PAFAH1B1: variants seen among roughly 807,000 people sequenced by gnomAD.
PAFAH1B1 encodes platelet activating factor acetylhydrolase 1b regulatory subunit 1, also known as platelet-activating factor acetylhydrolase IB subunit beta.
A neutral mutation model predicts 57.5 loss-of-function variants in PAFAH1B1; 2 were observed. The observed-to-expected ratio is 0.03, with a 90% CI of 0.01 to 0.11. The LOEUF (loss-of-function observed/expected upper bound fraction) is 0.11. Among genes scored for constraint, PAFAH1B1 ranks in the 10% least tolerant of loss-of-function variants. PAFAH1B1 has a pLI of 1.00. For missense variants in PAFAH1B1, 257 were observed against 512.0 expected (o/e 0.50, Z 4.81); for synonymous variants, 152 against 169.6 (o/e 0.90, Z 0.81).
chr17:2,669,199 AT>A (rs989289492), intron 5 of PAFAH1B1, among the ~76,000 whole-genome samples: 2 of 152,044 alleles, frequency 1.3e-5, no homozygotes, highest in African/African-American at 2.4e-5. Flanking sequence ...TGAGGACAGA[AT>A]TTTTTTATAT....
chr17:2,638,609 G>A (rs1447777818), intron 2 of PAFAH1B1: 4 of 330,738 alleles, frequency 1.2e-5, no homozygotes, highest in Non-Finnish European at 2.3e-5. Flanking sequence ...CCAGGTTCAA[G>A]CTATTCTTCT....
chr17:2,602,182 C>T (rs770111142), intron 1 of PAFAH1B1, among the ~76,000 whole-genome samples: 4 of 151,758 alleles, frequency 2.6e-5, no homozygotes, highest in East Asian at 1.9e-4. Context: ...CTTTCTGGCT[C>T]TTCGACTTGG....
At chr17:2,637,244 A>G (rs1441371984) in intron 1 of PAFAH1B1, among the ~76,000 whole-genome samples, 1 of 152,144 alleles carries the variant, frequency 6.6e-6, no homozygotes, top group Non-Finnish European at 1.5e-5. Flanking sequence ...CTTCCAATCA[A>G]ATTTTATATA....
chr17:2,631,392 T>A (rs1264237333), intron 1 of PAFAH1B1, among the ~76,000 whole-genome samples: 4 of 152,188 alleles, frequency 2.6e-5, no homozygotes, highest in Admixed American at 2.6e-4. Flanking sequence ...CCAGGAGGCT[T>A]CCCACCCCAT....
rs544664835 is a variant in PAFAH1B1 at position 2,594,030 on chromosome 17, C to T, written c.-191+24C>T. 6.8e-4 allele frequency: 271 copies of T among 398,452 alleles called. 6 individuals carry two copies. The South Asian group carries it at 0.032, about 47-fold the overall frequency. 24.7% of individuals were successfully genotyped at this position (398,452 alleles called of 1,614,324 possible). The stretch of plus-strand genomic sequence containing the variant: ...CGGTAAGGCGGCGCGGGTCTGCGCC[C>T]TCCCCTCTGTCTCCTCCACCGCGCC... On this transcript the variant is annotated intron_variant, in intron 1 of 10. Coordinates refer to ENST00000397195, the MANE Select transcript of PAFAH1B1 (RefSeq NM_000430.4).
chr17:2,651,279 A>G (rs1208352746), intron 2 of PAFAH1B1, among the ~76,000 whole-genome samples: 1 of 152,042 alleles, frequency 6.6e-6, no homozygotes, highest in Non-Finnish European at 1.5e-5. Flanking sequence ...GTAGCTTTAC[A>G]TTAATAATAC....
chr17:2,622,385 T>C (rs1177191597), intron 1 of PAFAH1B1, among the ~76,000 whole-genome samples: 1 of 152,130 alleles, frequency 6.6e-6, no homozygotes, highest in African/African-American at 2.4e-5. Context: ...GGTATAGGTA[T>C]TGGGTAAATG....
chr17:2,644,671 A>G (rs958314548), intron 2 of PAFAH1B1, among the ~76,000 whole-genome samples: 2 of 152,242 alleles, frequency 1.3e-5, no homozygotes, highest in African/African-American at 4.8e-5. Flanking sequence ...GTAACTCCAA[A>G]TAATACTGTA....
chr17:2,676,341 G>C (rs2069267564), intron 8 of PAFAH1B1, 164 bp from the exon 9 acceptor site: 1 of 598,226 alleles, frequency 1.7e-6, no homozygotes, highest in African/African-American at 1.9e-5. Context: ...TTGCACCACG[G>C]TACTCCAGCC....
At chr17:2,607,083 TGC>T (rs2151612265) in intron 1 of PAFAH1B1, among the ~76,000 whole-genome samples, 1 of 152,110 alleles carries the variant, frequency 6.6e-6, no homozygotes, top group African/African-American at 2.4e-5. Flanking sequence ...CTCGGCCTCC[TGC>T]GGTGCTGGGA....
intron 7 of PAFAH1B1, 39 bp downstream of exon 7, chr17:2,672,796 G>A (rs765229231): frequency 3.1e-6 from 4 of 1,295,736 alleles, no homozygotes; most frequent in Non-Finnish European, 4.5e-6. Flanking sequence ...GCGGCCAGGT[G>A]CAGTGGCTCA....
intron 2 of PAFAH1B1, among the ~76,000 whole-genome samples, chr17:2,650,789 TCCTC>T (rs2068839167): frequency 6.6e-6 from 1 of 152,184 alleles, no homozygotes; most frequent in South Asian, 2.1e-4. Context: ...GCCATTCTCT[TCCTC>T]TGTGAAGTGC....
intron 1 of PAFAH1B1, among the ~76,000 whole-genome samples, chr17:2,611,774 T>C (rs1033243342): frequency 1.1e-4 from 17 of 152,208 alleles, no homozygotes; most frequent in African/African-American, 4.1e-4. Flanking sequence ...GAAACACTAA[T>C]TACCATGAGT....
chr17:2,675,570 G>A (rs889411253), intron 8 of PAFAH1B1, among the ~76,000 whole-genome samples: 3 of 152,034 alleles, frequency 2.0e-5, no homozygotes, highest in African/African-American at 7.2e-5. Flanking sequence ...GGGAAGTCAA[G>A]GCAGGAGGAT....
chr17:2,601,895 GAA>G (rs1366851150), intron 1 of PAFAH1B1, among the ~76,000 whole-genome samples: 1 of 152,104 alleles, frequency 6.6e-6, no homozygotes, highest in East Asian at 1.9e-4. Context: ...CTCAGCCTAA[GAA>G]AAAATATTTT....
At chr17:2,594,137 T>TCCG (rs1028246419) in intron 1 of PAFAH1B1, 131 bp downstream of exon 1, 3 of 392,062 alleles carry the variant, frequency 7.7e-6, no homozygotes, top group East Asian at 3.6e-5. Context: ...TCCCCCTGCC[T>TCCG]CCGCCGCCGC....
chr17:2,638,514 A>G, intron 2 of PAFAH1B1, 194 bp downstream of exon 2: 1 of 548,164 alleles, frequency 1.8e-6, no homozygotes, highest in South Asian at 2.6e-5. Flanking sequence ...AAATTTATTT[A>G]TTCTTTCTGA....
At chr17:2,681,588 A>T (rs1271129084) in intron 10 of PAFAH1B1, 141 bp from the exon 11 acceptor site, 1 of 658,182 alleles carries the variant, frequency 1.5e-6, no homozygotes, top group African/African-American at 1.8e-5. Context: ...CAGTCTCCCG[A>T]GTAGCTGGGA....
intron 2 of PAFAH1B1, among the ~76,000 whole-genome samples, chr17:2,664,665 G>GCTCGCT (rs1555526142): frequency 4.3e-4 from 37 of 86,082 alleles, no homozygotes; most frequent in African/African-American, 1.3e-3. Flanking sequence ...TCTATCTATC[G>GCTCGCT]CTCTCTCTCT....
Sources: allele counts gnomAD v4.1 joint callset (sites outside exome capture counted in the v4.1 genomes callset), GRCh38; gene constraint gnomAD v4.1.1; transcripts MANE v1.5; gene names NCBI Gene and HGNC (gene_info 2026-07-23, HGNC 2026-07-21).